Variants in HS3ST4 observed in about 807,000 individuals in gnomAD.
The protein encoded by HS3ST4 is heparan sulfate-glucosamine 3-sulfotransferase 4.
Under a neutral mutation model 29.2 loss-of-function variants are expected in HS3ST4, and 17 were observed. That is an observed-to-expected ratio of 0.58 (90% confidence interval 0.40 to 0.87). HS3ST4 has a LOEUF of 0.87. Ranked by LOEUF, HS3ST4 falls within the 40% of genes least tolerant of loss-of-function variation. The pLI is 0.00. For synonymous variants in HS3ST4, 314 were observed against 285.7 expected, an observed-to-expected ratio of 1.10 and a Z score of -1.00; for missense variants, 627 against 634.5, an observed-to-expected ratio of 0.99 and a Z score of 0.13.
At chr16:25,849,901 T>C (rs1024140638) in intron 1 of HS3ST4, among the ~76,000 whole-genome samples, 4 of 152,128 alleles carry the variant, frequency 2.6e-5, no homozygotes. Context: ...TTTCTGATAC[T>C]TATGTTGCTA....
chr16:25,803,355 C>T (rs992414137), intron 1 of HS3ST4, among the ~76,000 whole-genome samples: 1 of 152,116 alleles, frequency 6.6e-6, no homozygotes, highest in Non-Finnish European at 1.5e-5. Context: ...AGTGAGAATT[C>T]CTCCCTGTCT....
At chr16:25,935,414 A>G (rs1968508717) in intron 1 of HS3ST4, among the ~76,000 whole-genome samples, 1 of 152,172 alleles carries the variant, frequency 6.6e-6, no homozygotes, top group South Asian at 2.1e-4. Flanking sequence ...TGTGTCCATC[A>G]TTATAGCATC....
At chr16:25,933,369 C>T (rs1348485409) in intron 1 of HS3ST4, 1 of 516,948 alleles carries the variant, frequency 1.9e-6, no homozygotes, top group Admixed American at 1.9e-5. Flanking sequence ...CCAGGTGAAA[C>T]ATAATCTCAA....
rs556499910 is a variant in HS3ST4 at position 26,064,806 on chromosome 16, G to A, written c.735-70806G>A. 1.0e-3 allele frequency among the ~76,000 whole-genome samples: 152 copies of A among 152,026 alleles called. 1 individual carries two copies. The highest frequency in any genetic ancestry group is 1.9e-3 in the Non-Finnish European group (127 of 67,956). Reference sequence around the variant, plus strand: ...CTGATTTTGTATTTTTCTTGGAGACGAGGTTTCCCCATGTTGGTCAGGCTG... The same window carrying A: ...CTGATTTTGTATTTTTCTTGGAGACAAGGTTTCCCCATGTTGGTCAGGCTG... On this transcript the variant is annotated intron_variant, in intron 1 of 1. Coordinates refer to ENST00000331351, the MANE Select transcript of HS3ST4 (RefSeq NM_006040.3).
chr16:25,798,903 A>G (rs1422787503), intron 1 of HS3ST4, among the ~76,000 whole-genome samples: 1 of 152,168 alleles, frequency 6.6e-6, no homozygotes, highest in Non-Finnish European at 1.5e-5. Context: ...TTGTCCTTCC[A>G]GCACCTCCCT....
At chr16:25,757,919 G>A (rs925472797) in intron 1 of HS3ST4, among the ~76,000 whole-genome samples, 3 of 152,042 alleles carry the variant, frequency 2.0e-5, no homozygotes, top group African/African-American at 7.2e-5. Flanking sequence ...ATGTTCCTGG[G>A]TTGGGCCTTT....
intron 1 of HS3ST4, among the ~76,000 whole-genome samples, chr16:26,058,604 G>A (rs924707088): frequency 1.3e-5 from 2 of 152,148 alleles, no homozygotes; most frequent in Admixed American, 6.5e-5. Flanking sequence ...TCATGTCTTG[G>A]CCAGTGCTAA....
In HS3ST4 at chr16:25,999,844, T is replaced by A. The variant is rs57530905; in HGVS notation, c.735-135768T>A. Among the ~76,000 whole-genome samples the A allele has an allele frequency of 4.3e-3, 577 of 133,130 alleles. 4 individuals carry two copies. The highest frequency in any genetic ancestry group is 0.016 in the African/African-American group (537 of 34,176). 87.3% of individuals were successfully genotyped at this position (133,130 alleles called of 152,430 possible). A position where few individuals can be genotyped will look rare whatever the true frequency, so the allele number is the denominator to read the frequency against. The stretch of plus-strand genomic sequence containing the variant: ...TATATATTTATATATTATATATATT[T>A]TATATATATTATATATATATTATAT... On this transcript the variant is annotated intron_variant, in intron 1 of 1. Transcript: ENST00000331351.
intron 1 of HS3ST4, among the ~76,000 whole-genome samples, chr16:25,980,467 G>A (rs974583579): frequency 6.6e-6 from 1 of 152,120 alleles, no homozygotes; most frequent in Non-Finnish European, 1.5e-5. Flanking sequence ...CCTGACCACA[G>A]CGTTTATCAC....
At chr16:26,097,688 C>A (rs1898942833) in intron 1 of HS3ST4, among the ~76,000 whole-genome samples, 2 of 152,154 alleles carry the variant, frequency 1.3e-5, no homozygotes. Flanking sequence ...GACTTCATGA[C>A]TAAAACACCA....
chr16:26,102,588 G>A (rs940530581), intron 1 of HS3ST4, among the ~76,000 whole-genome samples: 1 of 152,158 alleles, frequency 6.6e-6, no homozygotes, highest in Non-Finnish European at 1.5e-5. Flanking sequence ...GTTCAAGATC[G>A]TACGTACAAA....
At chr16:25,990,275 A>G (rs1039282638) in intron 1 of HS3ST4, among the ~76,000 whole-genome samples, 9 of 152,314 alleles carry the variant, frequency 5.9e-5, no homozygotes, top group African/African-American at 2.2e-4. Context: ...TATATATCAA[A>G]CAGTGTGATT....
At chr16:26,014,378 G>A (rs557637434) in intron 1 of HS3ST4, among the ~76,000 whole-genome samples, 164 of 152,228 alleles carry the variant, frequency 1.1e-3, no homozygotes, top group African/African-American at 3.9e-3. Context: ...AGGTACATGT[G>A]CAGGTTTGTT....
intron 1 of HS3ST4, among the ~76,000 whole-genome samples, chr16:26,088,597 TCCCCCAAACATAC>T (rs1898817213): frequency 6.6e-6 from 1 of 151,748 alleles, no homozygotes; most frequent in South Asian, 2.1e-4. Context: ...CAGTCACAAA[TCCCCCAAACATAC>T]CCATTTCAGT....
At chr16:26,032,992 T>C (rs1364064541) in intron 1 of HS3ST4, among the ~76,000 whole-genome samples, 1 of 152,140 alleles carries the variant, frequency 6.6e-6, no homozygotes, top group Non-Finnish European at 1.5e-5. Flanking sequence ...AAAGTGGCCC[T>C]AGCTCAGGCA....
intron 1 of HS3ST4, among the ~76,000 whole-genome samples, chr16:26,074,758 AT>A (rs894837757): frequency 4.7e-4 from 71 of 152,228 alleles, no homozygotes; most frequent in African/African-American, 1.6e-3. Flanking sequence ...TGACTTTCTA[AT>A]TTTATCTCCT....
intron 1 of HS3ST4, among the ~76,000 whole-genome samples, chr16:26,105,750 G>A (rs1226108298): frequency 1.3e-5 from 2 of 152,226 alleles, no homozygotes; most frequent in African/African-American, 4.8e-5. Flanking sequence ...TATTTCCCCA[G>A]GCTTCCCCCA....
chr16:25,839,414 C>T (rs1967391597), intron 1 of HS3ST4, among the ~76,000 whole-genome samples: 2 of 152,184 alleles, frequency 1.3e-5, no homozygotes, highest in African/African-American at 4.8e-5. Context: ...TCCCTTCCTC[C>T]ATTTTTGTTT....
intron 1 of HS3ST4, among the ~76,000 whole-genome samples, chr16:25,924,414 C>A (rs1968383566): frequency 6.6e-6 from 1 of 152,192 alleles, no homozygotes; most frequent in South Asian, 2.1e-4. Flanking sequence ...CTCCCCACAT[C>A]CGGGGGACCT....
Sources: gnomAD v4.1 joint callset for allele counts (sites outside exome capture counted in the v4.1 genomes callset) on GRCh38, gnomAD v4.1.1 for gene constraint, MANE v1.5 for transcripts, NCBI Gene and HGNC (gene_info 2026-07-23, HGNC 2026-07-21) for gene names.